The following LINGO2 variants were observed in gnomAD, a reference collection of about 807,000 sequenced individuals.
LINGO2 encodes leucine rich repeat and Ig domain containing 2, also known as leucine-rich repeat and immunoglobulin-like domain-containing nogo receptor-interacting protein 2.
LINGO2 carries 14 observed loss-of-function variants against 30.6 expected under a neutral mutation model. That is an observed-to-expected ratio of 0.46 (90% confidence interval 0.30 to 0.72). LINGO2 has a LOEUF of 0.72. Ranked by LOEUF, LINGO2 falls within the 30% of genes least tolerant of loss-of-function variation. LINGO2 has a pLI of 0.07. For missense variants in LINGO2, 729 were observed against 751.7 expected (o/e 0.97, Z 0.35); for synonymous variants, 317 against 288.5 (o/e 1.10, Z -1.00).
chr9:28,104,176 G>A (rs953709445), intron 4 of LINGO2, among the ~76,000 whole-genome samples: 8 of 151,018 alleles, frequency 5.3e-5, no homozygotes, highest in African/African-American at 1.5e-4. Flanking sequence ...ATAAGGACAG[G>A]AAGGGTAAGT....
At chr9:28,643,786 C>T (rs1827711997) in intron 1 of LINGO2, among the ~76,000 whole-genome samples, 1 of 151,992 alleles carries the variant, frequency 6.6e-6, no homozygotes, top group South Asian at 2.1e-4. Flanking sequence ...AACTACCCAT[C>T]TGACAAGGAA....
chr9:28,887,932 G>C, the LINGO2 span, among the ~76,000 whole-genome samples: 1 of 152,038 alleles, frequency 6.6e-6, no homozygotes, highest in African/African-American at 2.4e-5. Flanking sequence ...TTAGAAAAAA[G>C]ACAGGTCAAA....
rs77400139 is a variant in LINGO2 at position 28,342,087 on chromosome 9, T to A, written c.-246+30749A>T. On this transcript the variant is annotated intron_variant, in intron 3 of 5. Coordinates refer to ENST00000379992, the Ensembl canonical transcript of LINGO2. ...GTTCTCCTTCTTCTAAGGGACCGTA[T>A]GTTAACTCTCTTCTCTCTGAAAAAT... 6.2e-3 allele frequency among the ~76,000 whole-genome samples: 945 copies of A among 152,258 alleles called. 38 individuals are homozygous for A. In the East Asian group the frequency reaches 0.1, roughly 16 times the overall value.
intron 3 of LINGO2, among the ~76,000 whole-genome samples, chr9:28,343,232 T>C (rs1042612948): frequency 3.9e-5 from 6 of 152,064 alleles, no homozygotes; most frequent in African/African-American, 1.4e-4. Flanking sequence ...AATAAGACAA[T>C]CACAAGTTAA....
At chr9:28,590,578 C>A (rs1467615908) in intron 1 of LINGO2, among the ~76,000 whole-genome samples, 1 of 152,094 alleles carries the variant, frequency 6.6e-6, no homozygotes, top group Admixed American at 6.6e-5. Flanking sequence ...CACTGGCCAT[C>A]AGAGAAATGC....
chr9:28,337,183 C>T (rs1331920), intron 3 of LINGO2, among the ~76,000 whole-genome samples: 148,755 of 151,136 alleles, frequency 0.98, 73,248 homozygotes, highest in Middle Eastern at 1. Flanking sequence ...ATGAGAAAAA[C>T]ACTTTCTCTC....
intron 4 of LINGO2, among the ~76,000 whole-genome samples, chr9:28,214,051 A>G (rs1330376622): frequency 6.6e-6 from 1 of 151,624 alleles, no homozygotes; most frequent in Admixed American, 6.6e-5. Context: ...TCAAAAAAAT[A>G]TATTTTCCTA....
chr9:28,521,283 T>C (rs1298475052), intron 1 of LINGO2, among the ~76,000 whole-genome samples: 1 of 152,158 alleles, frequency 6.6e-6, no homozygotes, highest in Non-Finnish European at 1.5e-5. Flanking sequence ...ATTCAATAGA[T>C]GATCTAAGGC....
intron 1 of LINGO2, among the ~76,000 whole-genome samples, chr9:28,508,793 AACAG>A (rs1015373170): frequency 2.6e-5 from 4 of 152,094 alleles, no homozygotes; most frequent in African/African-American, 9.7e-5. Context: ...CATGACAGTT[AACAG>A]ACAGAAACAA....
intron 4 of LINGO2, among the ~76,000 whole-genome samples, chr9:28,271,404 C>T (rs1822935516): frequency 6.6e-6 from 1 of 151,976 alleles, no homozygotes. Context: ...CTAAAGGATG[C>T]CCAGTGAAAA....
At chr9:28,941,250 T>C in the LINGO2 span, among the ~76,000 whole-genome samples, 1 of 152,180 alleles carries the variant, frequency 6.6e-6, no homozygotes. Context: ...CTGACACTTC[T>C]CTTGAATTCT....
At chr9:28,036,411 G>T (rs1410961842) in intron 4 of LINGO2, among the ~76,000 whole-genome samples, 1 of 152,176 alleles carries the variant, frequency 6.6e-6, no homozygotes, top group African/African-American at 2.4e-5. Context: ...CTGGATTATT[G>T]TGGGTCCTGG....
the LINGO2 span, among the ~76,000 whole-genome samples, chr9:29,049,241 A>T: frequency 6.6e-6 from 1 of 152,356 alleles, no homozygotes; most frequent in East Asian, 1.9e-4. Context: ...TCATTAGAGA[A>T]ATGCAAATGA....
At chr9:28,486,969 C>T (rs897771585) in intron 1 of LINGO2, among the ~76,000 whole-genome samples, 2 of 151,808 alleles carry the variant, frequency 1.3e-5, no homozygotes, top group East Asian at 1.9e-4. Flanking sequence ...GCAGAGACAG[C>T]GGGAGCAGTT....
chr9:28,702,964 A>G, the LINGO2 span, among the ~76,000 whole-genome samples: 2 of 151,764 alleles, frequency 1.3e-5, no homozygotes, highest in Non-Finnish European at 2.9e-5. Flanking sequence ...TGTCTAAGGT[A>G]TCTGTAGTGA....
At chr9:28,713,776 G>A in the LINGO2 span, among the ~76,000 whole-genome samples, 2 of 151,996 alleles carry the variant, frequency 1.3e-5, no homozygotes, top group Non-Finnish European at 1.5e-5. Context: ...ATTCATATCT[G>A]GCATTGACTG....
At chr9:28,307,603 TAA>T (rs900872878) in intron 3 of LINGO2, among the ~76,000 whole-genome samples, 4 of 152,070 alleles carry the variant, frequency 2.6e-5, no homozygotes, top group Non-Finnish European at 5.9e-5. Flanking sequence ...GAGAAGGAAA[TAA>T]AGGGTATTCA....
chr9:28,265,909 T>C (rs1180751513), intron 4 of LINGO2, among the ~76,000 whole-genome samples: 2 of 151,978 alleles, frequency 1.3e-5, no homozygotes, highest in Admixed American at 6.6e-5. Context: ...TAAACATGCC[T>C]GCTCCTTATA....
chr9:28,059,952 G>A (rs1394032233), intron 4 of LINGO2, among the ~76,000 whole-genome samples: 1 of 151,984 alleles, frequency 6.6e-6, no homozygotes, highest in Non-Finnish European at 1.5e-5. Flanking sequence ...TCAAATCATA[G>A]CTCTGCTTCT....
Sources: gnomAD v4.1 joint callset for allele counts (sites outside exome capture counted in the v4.1 genomes callset) on GRCh38, gnomAD v4.1.1 for gene constraint, MANE v1.5 for transcripts, NCBI Gene and HGNC (gene_info 2026-07-23, HGNC 2026-07-21) for gene names.